The following HAUS6 variants were observed in gnomAD, a reference collection of about 807,000 sequenced individuals.
The protein encoded by HAUS6 is HAUS augmin-like complex subunit 6.
A neutral mutation model predicts 106.8 loss-of-function variants in HAUS6; 80 were observed. That is an observed-to-expected ratio of 0.75 (90% CI 0.63 to 0.90). The LOEUF is 0.90. Ranked by LOEUF, HAUS6 falls within the 40% of genes least tolerant of loss-of-function variation. HAUS6 has a pLI of 0.00. For missense variants in HAUS6, 1,155 were observed against 1,118.1 expected, an observed-to-expected ratio of 1.03 and a Z score of -0.47; for synonymous variants, 356 against 379.1, an observed-to-expected ratio of 0.94 and a Z score of 0.71.
At chr9:19,099,698 G>A (rs188573667) in intron 1 of HAUS6, among the ~76,000 whole-genome samples, 3 of 152,176 alleles carry the variant, frequency 2.0e-5, no homozygotes, top group Non-Finnish European at 2.9e-5. Context: ...CTGGCCTCAA[G>A]CAATCTCCCA....
At chr9:19,092,515 T>C (rs1817773857) in intron 4 of HAUS6, among the ~76,000 whole-genome samples, 1 of 147,914 alleles carries the variant, frequency 6.8e-6, no homozygotes. Context: ...CTCCGGGGGC[T>C]GAGGCAGGAG....
chr9:19,074,891 C>T (rs1836960611), intron 11 of HAUS6, among the ~76,000 whole-genome samples: 1 of 152,082 alleles, frequency 6.6e-6, no homozygotes, highest in Non-Finnish European at 1.5e-5. Context: ...TTGTACTATT[C>T]TTTCATGTTA....
At chr9:19,064,731 T>C (rs952666607) in intron 12 of HAUS6, among the ~76,000 whole-genome samples, 2 of 152,214 alleles carry the variant, frequency 1.3e-5, no homozygotes, top group Non-Finnish European at 2.9e-5. Context: ...TTTTCAAATA[T>C]GCACTCTTAG....
chr9:19,080,257 T>C (rs1588614800), intron 9 of HAUS6, among the ~76,000 whole-genome samples: 1 of 151,698 alleles, frequency 6.6e-6, no homozygotes, highest in African/African-American at 2.4e-5. Context: ...AAGCTAAAAT[T>C]ATTTCACAAA....
intron 9 of HAUS6, among the ~76,000 whole-genome samples, chr9:19,079,718 C>A (rs1401118019): frequency 6.6e-6 from 1 of 152,102 alleles, no homozygotes; most frequent in East Asian, 1.9e-4. Flanking sequence ...GCCTGGCCAA[C>A]ATGGTGAAAC....
rs1836412398 is a variant in HAUS6 at position 19,053,876 on chromosome 9, A to G, written c.*2467T>C. Reference sequence around the variant, plus strand: ...GTGTGTGAATACATACTCCCAACACACATTTACATAGGTGTATATGTATTT... The same window carrying G: ...GTGTGTGAATACATACTCCCAACACGCATTTACATAGGTGTATATGTATTT... On this transcript the variant is annotated 3_prime_UTR_variant, in exon 17 of 17. Coordinates refer to ENST00000380502, the MANE Select transcript of HAUS6 (RefSeq NM_017645.5). 6.6e-6 allele frequency: 1 copy of G among 152,098 alleles called. No individual in the cohort carries two copies. The highest frequency in any genetic ancestry group is 2.1e-4 in the South Asian group (1 of 4,832). The allele number at this position is 152,098 out of a possible 1,614,324, so 9.4% of individuals were successfully genotyped here.
At chr9:19,093,658 C>G (rs1188011856) in intron 3 of HAUS6, among the ~76,000 whole-genome samples, 1 of 152,114 alleles carries the variant, frequency 6.6e-6, no homozygotes, top group Non-Finnish European at 1.5e-5. Context: ...CACTGGAGGT[C>G]AGGAGTTCAA....
At chr9:19,101,735 C>T (rs2131163412) in intron 1 of HAUS6, among the ~76,000 whole-genome samples, 1 of 152,304 alleles carries the variant, frequency 6.6e-6, no homozygotes, top group East Asian at 1.9e-4. Flanking sequence ...TCCTGGCCAA[C>T]ATGGTGAAAC....
chr9:19,073,842 C>G (rs1052048043), intron 11 of HAUS6: 2 of 152,130 alleles, frequency 1.3e-5, no homozygotes, highest in African/African-American at 4.8e-5. Flanking sequence ...GACAGGGTCT[C>G]ATGCTCACTT....
intron 6 of HAUS6, 87 bp from the exon 7 acceptor site, chr9:19,086,869 C>A (rs1588620497): frequency 1.5e-6 from 1 of 673,890 alleles, no homozygotes; most frequent in East Asian, 2.8e-5. Context: ...TGCAAATCAA[C>A]CCACCAACAA....
intron 7 of HAUS6, among the ~76,000 whole-genome samples, chr9:19,083,766 C>A (rs533315519): frequency 8.7e-5 from 13 of 149,096 alleles, no homozygotes; most frequent in South Asian, 8.5e-4. Context: ...CGCGCCACTG[C>A]ACTCCAGCCT....
At chr9:19,089,342 C>T in intron 5 of HAUS6, 70 bp downstream of exon 5, 1 of 979,626 alleles carries the variant, frequency 1.0e-6, no homozygotes, top group East Asian at 2.4e-5. Flanking sequence ...GATTATTTCT[C>T]CTGACATTAT....
chr9:19,079,515 G>C (rs1837090308), intron 9 of HAUS6, among the ~76,000 whole-genome samples: 2 of 151,958 alleles, frequency 1.3e-5, no homozygotes, highest in Admixed American at 1.3e-4. Context: ...ACAAGTGTGA[G>C]CCACCATGCC....
intron 1 of HAUS6, among the ~76,000 whole-genome samples, chr9:19,098,948 G>C (rs1258055289): frequency 8.2e-6 from 1 of 121,752 alleles, no homozygotes; most frequent in Non-Finnish European, 1.7e-5. Flanking sequence ...CTTGAACCTG[G>C]GAGGCGGAGG....
At chr9:19,080,110 G>T (rs1025386631) in intron 9 of HAUS6, among the ~76,000 whole-genome samples, 1 of 142,540 alleles carries the variant, frequency 7.0e-6, no homozygotes, top group South Asian at 2.3e-4. Context: ...GGAGGCAGGG[G>T]TTGTGGTGAG....
intron 14 of HAUS6, among the ~76,000 whole-genome samples, chr9:19,061,378 C>G (rs1449691420): frequency 6.6e-6 from 1 of 152,112 alleles, no homozygotes; most frequent in African/African-American, 2.4e-5. Context: ...AATATAAATT[C>G]TTTTAATCAG....
At chr9:19,097,168 A>G (rs373977113) in intron 1 of HAUS6, among the ~76,000 whole-genome samples, 3 of 152,194 alleles carry the variant, frequency 2.0e-5, no homozygotes, top group East Asian at 3.8e-4. Flanking sequence ...CCTAGGCAAT[A>G]CCATTCAGGA....
At chr9:19,091,287 G>C (rs926971844) in intron 4 of HAUS6, among the ~76,000 whole-genome samples, 1 of 148,366 alleles carries the variant, frequency 6.7e-6, no homozygotes, top group Non-Finnish European at 1.5e-5. Flanking sequence ...GCAACAGAGT[G>C]AGACTTCGTC....
intron 1 of HAUS6, among the ~76,000 whole-genome samples, chr9:19,097,398 T>C (rs544462817): frequency 1.4e-3 from 216 of 151,748 alleles, no homozygotes; most frequent in African/African-American, 4.9e-3. Context: ...CAAACAAATT[T>C]ACAAGAAAAA....
Sources: allele counts gnomAD v4.1 joint callset (sites outside exome capture counted in the v4.1 genomes callset), GRCh38; gene constraint gnomAD v4.1.1; transcripts MANE v1.5; gene names NCBI Gene and HGNC (gene_info 2026-07-23, HGNC 2026-07-21).